CLVS1: variants seen among roughly 807,000 people sequenced by gnomAD.
CLVS1 encodes clavesin-1.
In CLVS1, 10 loss-of-function variants were observed where a neutral mutation model predicts 33.1. The ratio of observed to expected loss-of-function variants is 0.30; its 90% CI spans 0.19 to 0.51. CLVS1 has a LOEUF of 0.51. Among genes scored for constraint, CLVS1 ranks in the 20% least tolerant of loss-of-function variants. CLVS1 has a pLI of 0.97. For missense variants in CLVS1, 343 were observed against 433.4 expected, an observed-to-expected ratio of 0.79 and a Z score of 1.85; for synonymous variants, 163 against 166.1, an observed-to-expected ratio of 0.98 and a Z score of 0.14.
intron 2 of CLVS1, among the ~76,000 whole-genome samples, chr8:61,274,453 G>C (rs1040048988): frequency 8.5e-5 from 13 of 152,078 alleles, no homozygotes; most frequent in Non-Finnish European, 1.5e-4. Flanking sequence ...ACTTAACCAA[G>C]GATGTACTTA....
intron 2 of CLVS1, among the ~76,000 whole-genome samples, chr8:61,305,849 G>T (rs1310018213): frequency 6.6e-6 from 1 of 152,112 alleles, no homozygotes; most frequent in Non-Finnish European, 1.5e-5. Context: ...AAGGATAATG[G>T]CTTCCAGCTC....
intron 2 of CLVS1, among the ~76,000 whole-genome samples, chr8:61,261,179 G>T (rs1809195763): frequency 6.6e-6 from 1 of 152,082 alleles, no homozygotes; most frequent in African/African-American, 2.4e-5. Context: ...AAGTGGCTAG[G>T]GAGCCCTGGT....
chr8:61,395,241 A>T (rs1814475527), intron 3 of CLVS1, among the ~76,000 whole-genome samples: 1 of 152,130 alleles, frequency 6.6e-6, no homozygotes, highest in African/African-American at 2.4e-5. Flanking sequence ...ACATGTGGAA[A>T]CTCAAAAAGG....
At chr8:61,446,039 CT>C (rs1330760691) in intron 3 of CLVS1, among the ~76,000 whole-genome samples, 1 of 152,020 alleles carries the variant, frequency 6.6e-6, no homozygotes, top group Non-Finnish European at 1.5e-5. Flanking sequence ...TAATTTGTGA[CT>C]TCTTTTTTTG....
At chr8:61,038,751 G>A in the CLVS1 span, among the ~76,000 whole-genome samples, 2 of 152,140 alleles carry the variant, frequency 1.3e-5, no homozygotes, top group African/African-American at 2.4e-5. Flanking sequence ...GTTCATCAAA[G>A]CCATTTCCTC....
At chr8:61,383,089 C>T (rs925861114) in intron 3 of CLVS1, among the ~76,000 whole-genome samples, 5 of 152,204 alleles carry the variant, frequency 3.3e-5, no homozygotes, top group African/African-American at 4.8e-5. Context: ...ATTGCCCCAG[C>T]GCTGTAATTT....
Position 61,484,872 on chromosome 8 carries a change from G to T in CLVS1, c.978-14583G>T, listed in dbSNP as rs1257895785. Among the ~76,000 whole-genome samples the T allele has an allele frequency of 2.0e-5, 3 of 152,260 alleles. No individual in the cohort carries two copies. The South Asian group carries it at 6.2e-4, about 32-fold the overall frequency. On this transcript the variant is annotated intron_variant, in intron 5 of 5. Transcript: ENST00000325897. ...GATTCCCTATTTAATAAATGGTGCT[G>T]GGAAAACTGGCTAGCCATATGTAGA... is the stretch of plus-strand genomic sequence containing the variant.
At position 61,500,232 on chromosome 8, in the gene CLVS1, G is replaced by A. The variant is rs554898207; in HGVS notation, c.*690G>A. Reference sequence around the variant, plus strand: ...AGGAAGACACATGGACGTGAAATACGATTATTTCATCTGAGCAATGTGAGT... The same window carrying A: ...AGGAAGACACATGGACGTGAAATACAATTATTTCATCTGAGCAATGTGAGT... On this transcript the variant is annotated 3_prime_UTR_variant, in exon 6 of 6. Coordinates refer to ENST00000325897, the MANE Select transcript of CLVS1 (RefSeq NM_173519.3). 1.3e-5 allele frequency: 2 copies of A among 152,280 alleles called. No individual in the cohort carries two copies. The highest frequency in any genetic ancestry group is 1.5e-5 in the Non-Finnish European group (1 of 68,038). 9.4% of individuals were successfully genotyped at this position (152,280 alleles called of 1,614,324 possible). A position where few individuals can be genotyped will look rare whatever the true frequency, so the allele number is the denominator to read the frequency against.
chr8:61,307,696 A>AT (rs960888692), intron 2 of CLVS1, among the ~76,000 whole-genome samples: 1 of 151,944 alleles, frequency 6.6e-6, no homozygotes. Context: ...GATTTTTTTT[A>AT]TTTTGATAGA....
intron 1 of CLVS1, among the ~76,000 whole-genome samples, chr8:61,123,073 C>G (rs1311504798): frequency 1.4e-5 from 2 of 143,088 alleles, no homozygotes; most frequent in African/African-American, 5.1e-5. Flanking sequence ...AGTTCAAGAC[C>G]AGCCTGACCA....
At chr8:61,282,522 C>T (rs182760928) in intron 2 of CLVS1, among the ~76,000 whole-genome samples, 19 of 152,254 alleles carry the variant, frequency 1.2e-4, no homozygotes, top group Middle Eastern at 3.4e-3. Context: ...TGAGAACAAG[C>T]GGACATGGAT....
the CLVS1 span, among the ~76,000 whole-genome samples, chr8:60,998,161 G>A: frequency 2.6e-5 from 4 of 152,124 alleles, no homozygotes; most frequent in Non-Finnish European, 5.9e-5. Context: ...AAAGTGCCTC[G>A]TCCCACTCTT....
intron 5 of CLVS1, among the ~76,000 whole-genome samples, chr8:61,483,850 C>T (rs1197467719): frequency 2.0e-5 from 3 of 152,222 alleles, no homozygotes; most frequent in African/African-American, 4.8e-5. Context: ...ACAAAAACCA[C>T]ATGATTATCT....
At chr8:61,250,550 C>T (rs964771338) in intron 2 of CLVS1, among the ~76,000 whole-genome samples, 5 of 152,204 alleles carry the variant, frequency 3.3e-5, no homozygotes, top group Non-Finnish European at 7.3e-5. Flanking sequence ...CATCCATGAG[C>T]ATGGAATGTT....
intron 2 of CLVS1, among the ~76,000 whole-genome samples, chr8:61,355,794 T>G (rs896531166): frequency 3.3e-5 from 5 of 152,250 alleles, no homozygotes. Flanking sequence ...GTGCCACATT[T>G]TCTTAATCCA....
At chr8:61,355,127 T>G (rs1812637883) in intron 2 of CLVS1, among the ~76,000 whole-genome samples, 2 of 152,162 alleles carry the variant, frequency 1.3e-5, no homozygotes, top group East Asian at 3.9e-4. Context: ...ATATAGCACT[T>G]GACTTTATCA....
In CLVS1 at chr8:61,067,997, G is replaced by A. The variant is rs548627164; in HGVS notation, c.-243+10767G>A. 8.8e-4 allele frequency among the ~76,000 whole-genome samples: 131 copies of A among 148,318 alleles called. 1 individual carries two copies. Among genetic ancestry groups the A allele is most frequent in the East Asian group, 3.2e-3 (16 of 5,066 alleles). Reference sequence around the variant, plus strand: ...AAACGAAACTTGATATTGAGAGAGAGAGAGAGAGAGACCTTGTCTCTATAA... The same window carrying A: ...AAACGAAACTTGATATTGAGAGAGAAAGAGAGAGAGACCTTGTCTCTATAA... On this transcript the variant is annotated intron_variant, in intron 1 of 2. Transcript: ENST00000522621.
chr8:60,967,889 T>C, the CLVS1 span: 1 of 320,908 alleles, frequency 3.1e-6, no homozygotes, highest in African/African-American at 2.2e-5. Context: ...GATAGTATTT[T>C]CTAGAAAATT....
At chr8:61,492,693 T>C (rs1370648286) in intron 5 of CLVS1, among the ~76,000 whole-genome samples, 1 of 152,232 alleles carries the variant, frequency 6.6e-6, no homozygotes, top group East Asian at 1.9e-4. Flanking sequence ...ATATTTATTT[T>C]TTTGGACTGG....
Sources: gnomAD v4.1 joint callset for allele counts (sites outside exome capture counted in the v4.1 genomes callset) on GRCh38, gnomAD v4.1.1 for gene constraint, MANE v1.5 for transcripts, NCBI Gene and HGNC (gene_info 2026-07-23, HGNC 2026-07-21) for gene names.